The following MAGI2 variants were observed in gnomAD, a reference collection of about 807,000 sequenced individuals.
The protein encoded by MAGI2 is membrane associated guanylate kinase, WW and PDZ domain containing 2.
In MAGI2, 35 loss-of-function variants were observed where a neutral mutation model predicts 133.3. That is an observed-to-expected ratio of 0.26 (90% confidence interval 0.20 to 0.35). The LOEUF (loss-of-function observed/expected upper bound fraction) is 0.35. Among genes scored for constraint, MAGI2 ranks in the 10% least tolerant of loss-of-function variants. MAGI2 has a pLI of 1.00. For missense variants in MAGI2, 1,636 were observed against 1,863.4 expected (o/e 0.88, Z 2.25); for synonymous variants, 729 against 710.6 (o/e 1.03, Z -0.41).
At chr7:78,756,597 C>G (rs1823972259) in intron 2 of MAGI2, among the ~76,000 whole-genome samples, 1 of 152,054 alleles carries the variant, frequency 6.6e-6, no homozygotes, top group Non-Finnish European at 1.5e-5. Flanking sequence ...AAATAAGACA[C>G]TTTGATGCGA....
intron 3 of MAGI2, among the ~76,000 whole-genome samples, chr7:78,609,785 A>C (rs963319996): frequency 2.0e-5 from 3 of 152,198 alleles, no homozygotes; most frequent in Non-Finnish European, 4.4e-5. Context: ...TATTCCATGC[A>C]TACTCTTCCT....
intron 1 of MAGI2, among the ~76,000 whole-genome samples, chr7:79,057,229 T>C (rs1169682314): frequency 6.6e-6 from 1 of 152,166 alleles, no homozygotes; most frequent in Admixed American, 6.6e-5. Flanking sequence ...ATGACATGGC[T>C]CAACCTTTAC....
chr7:78,437,479 T>C (rs1800408262), intron 6 of MAGI2, among the ~76,000 whole-genome samples: 1 of 152,162 alleles, frequency 6.6e-6, no homozygotes, highest in South Asian at 2.1e-4. Context: ...AAAGACTCAG[T>C]TTGAAAATAA....
chr7:79,066,415 ATTT>A (rs940284596), intron 1 of MAGI2, among the ~76,000 whole-genome samples: 2 of 148,298 alleles, frequency 1.3e-5, no homozygotes, highest in Admixed American at 6.7e-5. Context: ...TGATGGGGTT[ATTT>A]TTTTTTCTTG....
chr7:78,857,554 T>C (rs1793764696), intron 2 of MAGI2, among the ~76,000 whole-genome samples: 1 of 152,172 alleles, frequency 6.6e-6, no homozygotes, highest in South Asian at 2.1e-4. Flanking sequence ...ATGCATTACG[T>C]TTATTGATTT....
intron 1 of MAGI2, among the ~76,000 whole-genome samples, chr7:79,319,930 T>C (rs573785233): frequency 6.6e-6 from 1 of 152,266 alleles, no homozygotes; most frequent in Admixed American, 6.5e-5. Context: ...TATTTGTTAG[T>C]ATTATATTTG....
chr7:78,837,702 A>C (rs1036036717), intron 2 of MAGI2, among the ~76,000 whole-genome samples: 1 of 152,154 alleles, frequency 6.6e-6, no homozygotes, highest in Non-Finnish European at 1.5e-5. Context: ...CGCACACTTA[A>C]ATTTTATCAA....
intron 2 of MAGI2, among the ~76,000 whole-genome samples, chr7:78,720,648 T>C (rs1201810713): frequency 6.6e-6 from 1 of 152,094 alleles, no homozygotes; most frequent in African/African-American, 2.4e-5. Flanking sequence ...CTTACTAATG[T>C]ACAGCTGTCG....
At chr7:78,453,639 C>G (rs971954416) in intron 6 of MAGI2, among the ~76,000 whole-genome samples, 2 of 152,154 alleles carry the variant, frequency 1.3e-5, no homozygotes, top group African/African-American at 4.8e-5. Flanking sequence ...CTCCAGATCC[C>G]CATTGGGTGG....
chr7:78,529,668 G>GTTTTTTT lies in MAGI2; in HGVS notation c.539-8030_539-8024dup, dbSNP rs554010061. Reference sequence around the variant, plus strand: ...TTTCTTTTCCTTGCTAAAGGAGATGGTTTTTTTTTTTTTTTTTTTTTTTTT... The same window carrying GTTTTTTT: ...TTTCTTTTCCTTGCTAAAGGAGATGGTTTTTTTTTTTTTTTTTTTTTTTTTTTTTTTT... On this transcript the variant is annotated intron_variant, in intron 3 of 21. Transcript: ENST00000354212. 9.7e-3 allele frequency among the ~76,000 whole-genome samples: 559 copies of GTTTTTTT among 57,410 alleles called. 145 individuals carry two copies. Among genetic ancestry groups the GTTTTTTT allele is most frequent in the Middle Eastern group, 0.029 (2 of 70 alleles). The allele number at this position is 57,410 out of a possible 152,430, so 37.7% of individuals were successfully genotyped here. A position where few individuals can be genotyped will look rare whatever the true frequency, so the allele number is the denominator to read the frequency against.
At chr7:79,138,677 G>A (rs1821822977) in intron 1 of MAGI2, among the ~76,000 whole-genome samples, 3 of 152,026 alleles carry the variant, frequency 2.0e-5, no homozygotes, top group African/African-American at 7.3e-5. Context: ...CTAAGGGTGG[G>A]GCCATAATCC....
intron 2 of MAGI2, among the ~76,000 whole-genome samples, chr7:78,787,957 A>G (rs1225911288): frequency 6.6e-5 from 10 of 152,220 alleles, no homozygotes; most frequent in Non-Finnish European, 1.2e-4. Flanking sequence ...TCAAGAAATG[A>G]TTATAACATA....
intron 2 of MAGI2, among the ~76,000 whole-genome samples, chr7:78,972,657 T>C (rs1803887094): frequency 2.0e-5 from 3 of 151,868 alleles, no homozygotes; most frequent in Admixed American, 6.6e-5. Flanking sequence ...ATAATATATA[T>C]AATCCAGGCA....
chr7:78,649,461 T>G (rs1454334190), intron 2 of MAGI2, among the ~76,000 whole-genome samples: 2 of 151,984 alleles, frequency 1.3e-5, no homozygotes, highest in African/African-American at 4.8e-5. Flanking sequence ...GGAGGCTGAG[T>G]TTGGCATGTG....
chr7:78,402,450 C>T (rs1479864568), intron 6 of MAGI2, among the ~76,000 whole-genome samples: 2 of 151,712 alleles, frequency 1.3e-5, no homozygotes, highest in Non-Finnish European at 1.5e-5. Flanking sequence ...GTGTCCACCT[C>T]GGGCGTGTGT....
At chr7:79,135,938 C>T (rs529670433) in intron 1 of MAGI2, among the ~76,000 whole-genome samples, 2 of 63,044 alleles carry the variant, frequency 3.2e-5, no homozygotes, top group Non-Finnish European at 5.2e-5. Context: ...AAAATCCTCT[C>T]GAAAGAAAGA....
chr7:78,556,409 C>A (rs532892301), intron 3 of MAGI2, among the ~76,000 whole-genome samples: 1 of 152,316 alleles, frequency 6.6e-6, no homozygotes, highest in South Asian at 2.1e-4. Flanking sequence ...GCTGATTTCA[C>A]AGGCTTCAGG....
intron 2 of MAGI2, among the ~76,000 whole-genome samples, chr7:78,979,191 AG>A (rs1248748203): frequency 1.3e-5 from 2 of 151,838 alleles, no homozygotes; most frequent in African/African-American, 4.8e-5. Context: ...ACACCCCAGT[AG>A]TAATGAGCAT....
chr7:79,328,864 T>C (rs1839878213), intron 1 of MAGI2, among the ~76,000 whole-genome samples: 1 of 152,160 alleles, frequency 6.6e-6, no homozygotes, highest in African/African-American at 2.4e-5. Flanking sequence ...ATTATCTCTT[T>C]CTCTGTAAAT....
Sources: gnomAD v4.1 joint callset for allele counts (sites outside exome capture counted in the v4.1 genomes callset) on GRCh38, gnomAD v4.1.1 for gene constraint, MANE v1.5 for transcripts, NCBI Gene and HGNC (gene_info 2026-07-23, HGNC 2026-07-21) for gene names.